ASTN2: variants seen among roughly 807,000 people sequenced by gnomAD.
ASTN2 encodes astrotactin-2.
ASTN2 carries 54 observed loss-of-function variants against 139.8 expected under a neutral mutation model. That is an observed-to-expected ratio of 0.39 (90% confidence interval 0.31 to 0.48). The LOEUF (loss-of-function observed/expected upper bound fraction) is 0.48, where lower values mean the gene tolerates loss of function less well. ASTN2 is among the 20% of genes least tolerant of loss of function. The probability of loss-of-function intolerance (pLI) is 0.95; values close to 1 mark genes in which losing one functional copy is unlikely to be tolerated. For synonymous variants in ASTN2, 756 were observed against 719.5 expected (o/e 1.05, Z -0.81); for missense variants, 1,565 against 1,725.1 (o/e 0.91, Z 1.64).
chr9:116,602,208 G>C (rs576597779), intron 19 of ASTN2, among the ~76,000 whole-genome samples: 1 of 152,282 alleles, frequency 6.6e-6, no homozygotes, highest in South Asian at 2.1e-4. Context: ...AGAAGACAGA[G>C]GGGAGTAAGC....
chr9:117,172,540 T>G (rs913404072), intron 3 of ASTN2, among the ~76,000 whole-genome samples: 1 of 152,164 alleles, frequency 6.6e-6, no homozygotes, highest in African/African-American at 2.4e-5. Context: ...CATCACCTCA[T>G]ACATTCCTCA....
intron 10 of ASTN2, among the ~76,000 whole-genome samples, chr9:116,908,702 T>A (rs1834232541): frequency 6.6e-6 from 1 of 152,168 alleles, no homozygotes; most frequent in Non-Finnish European, 1.5e-5. Context: ...CACTTCCTTT[T>A]CATTGTTCAG....
At chr9:116,955,082 G>A (rs902148767) in intron 10 of ASTN2, among the ~76,000 whole-genome samples, 2 of 152,256 alleles carry the variant, frequency 1.3e-5, no homozygotes, top group African/African-American at 4.8e-5. Context: ...TCGAAGTCTG[G>A]TGTCAGATAG....
In ASTN2 at chr9:117,414,239, G is replaced by C. The variant is rs919786078; in HGVS notation, c.442+258C>G. ...ATGGATCAAGCAGAGCTCCAGGTCG[G>C]GACTGAGAGGCAGAGGGGCAGGTTC... On this transcript the variant is annotated intron_variant, in intron 1 of 22. Coordinates refer to ENST00000313400, the MANE Select transcript of ASTN2 (RefSeq NM_001365068.1). The surrounding 1 kb of genome is among the most constrained non-coding windows in gnomAD (Gnocchi z 4.2). Among the ~76,000 whole-genome samples, 1 of 152,072 alleles carries C rather than the reference G, an allele frequency of 6.6e-6. No homozygotes were observed. Among genetic ancestry groups the C allele is most frequent in the Non-Finnish European group, 1.5e-5 (1 of 67,994 alleles).
intron 19 of ASTN2, chr9:116,586,169 G>T (rs1854137808): frequency 6.6e-6 from 1 of 152,220 alleles, no homozygotes; most frequent in African/African-American, 2.4e-5. Flanking sequence ...AGGCTGTACA[G>T]AAAGGGGAAC....
At chr9:117,024,491 C>T (rs930189711) in intron 6 of ASTN2, among the ~76,000 whole-genome samples, 4 of 151,748 alleles carry the variant, frequency 2.6e-5, no homozygotes, top group African/African-American at 4.8e-5. Flanking sequence ...TGTTGAATAC[C>T]GTGACAAAAG....
chr9:117,032,800 C>G (rs1018445518), intron 6 of ASTN2, among the ~76,000 whole-genome samples: 1 of 152,100 alleles, frequency 6.6e-6, no homozygotes, highest in Non-Finnish European at 1.5e-5. Context: ...ACCATGCCAT[C>G]CCAATGTGTG....
In ASTN2 at chr9:116,757,644, G is replaced by A. The variant is rs185584029; in HGVS notation, c.2397-24121C>T. Among the ~76,000 whole-genome samples, 3 of 152,186 alleles carry A rather than the reference G, an allele frequency of 2.0e-5. No homozygotes were observed. In the East Asian group the frequency reaches 5.8e-4, roughly 29 times the overall value. ...CAACCCCCTTGCATGGTAGAATGTA[G>A]GGCTCATCGTCTTATTACCCCACTG... On this transcript the variant is annotated intron_variant, in intron 13 of 22. Coordinates refer to ENST00000313400, the MANE Select transcript of ASTN2 (RefSeq NM_001365068.1).
At chr9:117,401,346 A>T (rs1455216775) in intron 1 of ASTN2, among the ~76,000 whole-genome samples, 1 of 152,122 alleles carries the variant, frequency 6.6e-6, no homozygotes, top group African/African-American at 2.4e-5. Flanking sequence ...GATAGCTGAG[A>T]GTGTGGTGTA....
chr9:117,225,170 C>T (rs745680146), intron 2 of ASTN2, among the ~76,000 whole-genome samples: 19 of 152,090 alleles, frequency 1.2e-4, no homozygotes, highest in Non-Finnish European at 2.4e-4. Flanking sequence ...ATAAATCCAT[C>T]ATAAATGCCT....
intron 2 of ASTN2, among the ~76,000 whole-genome samples, chr9:117,267,776 C>T (rs1487652404): frequency 1.3e-5 from 2 of 152,178 alleles, no homozygotes; most frequent in Non-Finnish European, 2.9e-5. Flanking sequence ...GTTTCTCCAA[C>T]AGTTTCATGA....
intron 11 of ASTN2, among the ~76,000 whole-genome samples, chr9:116,844,245 G>T (rs1344327602): frequency 6.6e-6 from 1 of 152,166 alleles, no homozygotes; most frequent in Non-Finnish European, 1.5e-5. Flanking sequence ...ACATCAGAAA[G>T]AATCAGTTTT....
At chr9:116,725,738 G>C in intron 16 of ASTN2, 33 bp downstream of exon 16, 1 of 1,600,696 alleles carries the variant, frequency 6.2e-7, no homozygotes, top group South Asian at 1.1e-5. Flanking sequence ...TAGCCTGCCT[G>C]GCCACCTCCT....
intron 1 of ASTN2, among the ~76,000 whole-genome samples, chr9:117,397,534 A>G (rs1048952006): frequency 6.6e-6 from 1 of 152,220 alleles, no homozygotes; most frequent in African/African-American, 2.4e-5. Flanking sequence ...CTGGTGTATT[A>G]TGAGCATGGT....
At chr9:116,785,856 C>T (rs957128523) in intron 13 of ASTN2, among the ~76,000 whole-genome samples, 4 of 152,184 alleles carry the variant, frequency 2.6e-5, no homozygotes, top group Non-Finnish European at 4.4e-5. Context: ...TGCCCACTAA[C>T]GTCTATTCTT....
intron 6 of ASTN2, among the ~76,000 whole-genome samples, chr9:117,015,352 C>A (rs1837645001): frequency 6.6e-6 from 1 of 152,144 alleles, no homozygotes; most frequent in African/African-American, 2.4e-5. Context: ...ATATCTCAAG[C>A]TTGCCATTTG....
chr9:117,301,792 T>C (rs1343530373), intron 1 of ASTN2, among the ~76,000 whole-genome samples: 1 of 152,200 alleles, frequency 6.6e-6, no homozygotes, highest in Non-Finnish European at 1.5e-5. Flanking sequence ...TGAAGCATTC[T>C]GTCTTACGGT....
intron 19 of ASTN2, among the ~76,000 whole-genome samples, chr9:116,544,429 T>C (rs1291883971): frequency 1.3e-5 from 2 of 152,172 alleles, no homozygotes; most frequent in African/African-American, 4.8e-5. Context: ...TTAGACATGA[T>C]AGTAGTAGGT....
chr9:116,989,887 T>A (rs1836799881), intron 7 of ASTN2, among the ~76,000 whole-genome samples: 1 of 152,150 alleles, frequency 6.6e-6, no homozygotes, highest in Non-Finnish European at 1.5e-5. Context: ...TTTCTCTCTT[T>A]TGCTTCATCT....
Sources: allele counts gnomAD v4.1 joint callset (sites outside exome capture counted in the v4.1 genomes callset), GRCh38; gene constraint gnomAD v4.1.1; non-coding constraint Gnocchi (gnomAD v3.1); transcripts MANE v1.5; gene names NCBI Gene and HGNC (gene_info 2026-07-23, HGNC 2026-07-21).